The following MAP4 variants were observed in gnomAD, a reference collection of about 807,000 sequenced individuals.
MAP4 encodes microtubule-associated protein 4.
Under a neutral mutation model 170.2 loss-of-function variants are expected in MAP4, and 76 were observed. That is an observed-to-expected ratio of 0.45 (90% CI 0.37 to 0.54). The LOEUF is 0.54. Ranked by LOEUF, MAP4 falls within the 20% of genes least tolerant of loss-of-function variation. The probability of loss-of-function intolerance (pLI) is 0.00; values close to 1 mark genes in which losing one functional copy is unlikely to be tolerated. For missense variants in MAP4, 2,506 were observed against 2,748.0 expected (o/e 0.91, Z 1.97); for synonymous variants, 909 against 994.5 (o/e 0.91, Z 1.62).
chr3:48,079,986 A>C (rs1579881949), intron 1 of MAP4, among the ~76,000 whole-genome samples: 1 of 152,168 alleles, frequency 6.6e-6, no homozygotes, highest in East Asian at 1.9e-4. Context: ...ATTTGTTGTA[A>C]CTTTGTCTTC....
chr3:47,973,975 G>T (rs1183139853), intron 3 of MAP4: 2 of 985,422 alleles, frequency 2.0e-6, no homozygotes, highest in Non-Finnish European at 1.2e-6. Flanking sequence ...ATCCATAGAA[G>T]AAATTTTTGT....
chr3:48,071,108 G>A (rs1032138012), intron 1 of MAP4, among the ~76,000 whole-genome samples: 1 of 152,104 alleles, frequency 6.6e-6, no homozygotes, highest in Non-Finnish European at 1.5e-5. Context: ...TCCATGTCTC[G>A]TAATAAAGGG....
chr3:48,084,627 A>C (rs2100148188), intron 1 of MAP4, among the ~76,000 whole-genome samples: 1 of 150,792 alleles, frequency 6.6e-6, no homozygotes, highest in South Asian at 2.1e-4. Context: ...AGCAAGGCTG[A>C]AGTGCAGTGG....
At chr3:48,013,312 A>G (rs2100106229) in intron 1 of MAP4, among the ~76,000 whole-genome samples, 1 of 152,088 alleles carries the variant, frequency 6.6e-6, no homozygotes, top group African/African-American at 2.4e-5. Flanking sequence ...CTAAAAAAAA[A>G]ACCTCTCACT....
At chr3:47,973,092 T>C (rs2100079747) in intron 3 of MAP4, 1 of 980,548 alleles carries the variant, frequency 1.0e-6, no homozygotes, top group Admixed American at 6.2e-5. Flanking sequence ...GGTGTTAATG[T>C]AAGATGTTTA....
At chr3:48,009,376 C>G (rs891567146) in intron 1 of MAP4, among the ~76,000 whole-genome samples, 1 of 152,214 alleles carries the variant, frequency 6.6e-6, no homozygotes, top group African/African-American at 2.4e-5. Context: ...GCTGGGATTA[C>G]AGGCGTGAGC....
At chr3:48,021,687 GT>G (rs953046124) in intron 1 of MAP4, among the ~76,000 whole-genome samples, 1 of 152,070 alleles carries the variant, frequency 6.6e-6, no homozygotes, top group Non-Finnish European at 1.5e-5. Flanking sequence ...AGTCCAGTAG[GT>G]TTTTTCTTTT....
intron 1 of MAP4, among the ~76,000 whole-genome samples, chr3:48,034,247 G>A (rs1312367610): frequency 6.6e-6 from 1 of 152,160 alleles, no homozygotes; most frequent in Non-Finnish European, 1.5e-5. Flanking sequence ...ACTTAGAAAG[G>A]AATGATCTCA....
At chr3:47,978,662 G>A (rs1210458405) in intron 2 of MAP4, among the ~76,000 whole-genome samples, 1 of 151,728 alleles carries the variant, frequency 6.6e-6, no homozygotes, top group Non-Finnish European at 1.5e-5. Flanking sequence ...GGAAATCCAG[G>A]GTACCATCAT....
intron 17 of MAP4, among the ~76,000 whole-genome samples, chr3:47,858,093 A>T (rs2059611967): frequency 1.4e-5 from 2 of 145,822 alleles, no homozygotes; most frequent in Non-Finnish European, 3.0e-5. Context: ...GGCTCACCCC[A>T]GCCTCCATCT....
intron 10 of MAP4, among the ~76,000 whole-genome samples, chr3:47,887,480 A>G (rs1204108622): frequency 1.3e-5 from 2 of 152,168 alleles, no homozygotes; most frequent in African/African-American, 4.8e-5. Context: ...GCCATGCCTC[A>G]GCCTCCCACC....
At chr3:47,943,283 A>G (rs2100057659) in intron 3 of MAP4, among the ~76,000 whole-genome samples, 1 of 152,112 alleles carries the variant, frequency 6.6e-6, no homozygotes, top group South Asian at 2.1e-4. Context: ...ACTGTATTAA[A>G]CTAGCAAAAA....
chr3:47,998,431 C>A (rs551195760), intron 2 of MAP4, among the ~76,000 whole-genome samples: 18 of 152,198 alleles, frequency 1.2e-4, no homozygotes, highest in African/African-American at 4.1e-4. Context: ...AGAGAAGAAA[C>A]ATTAGGGTTA....
chr3:47,863,367 A>C (rs984297583), intron 17 of MAP4, among the ~76,000 whole-genome samples: 2 of 152,180 alleles, frequency 1.3e-5, no homozygotes, highest in Non-Finnish European at 2.9e-5. Flanking sequence ...TTAGGTGGCT[A>C]TGTGGAGGAG....
chr3:48,005,827 C>G (rs546919125), intron 1 of MAP4, among the ~76,000 whole-genome samples: 10 of 152,348 alleles, frequency 6.6e-5, no homozygotes, highest in African/African-American at 2.2e-4. Context: ...CTCTGCATGT[C>G]AGACCTAATG....
chr3:48,054,989 C>G (rs2100129992), intron 1 of MAP4, among the ~76,000 whole-genome samples: 1 of 152,018 alleles, frequency 6.6e-6, no homozygotes, highest in Non-Finnish European at 1.5e-5. Flanking sequence ...AAGTGGGGAG[C>G]CTAGATTTCC....
chr3:47,892,983 A>C, intron 10 of MAP4: 1 of 554,708 alleles, frequency 1.8e-6, no homozygotes. Flanking sequence ...CCCAGCTATA[A>C]CCCTGAAGAA....
chr3:48,034,761 C>T (rs538532633), intron 1 of MAP4, among the ~76,000 whole-genome samples: 2 of 151,982 alleles, frequency 1.3e-5, no homozygotes, highest in African/African-American at 2.4e-5. Context: ...ACCTGTAATC[C>T]CAGCACTTTG....
At chr3:48,036,243 C>T (rs2100118663) in intron 1 of MAP4, among the ~76,000 whole-genome samples, 1 of 152,122 alleles carries the variant, frequency 6.6e-6, no homozygotes, top group Non-Finnish European at 1.5e-5. Flanking sequence ...TGATAATAGC[C>T]TTTAACAATT....
Sources: allele counts gnomAD v4.1 joint callset (sites outside exome capture counted in the v4.1 genomes callset), GRCh38; gene constraint gnomAD v4.1.1; transcripts MANE v1.5; gene names NCBI Gene and HGNC (gene_info 2026-07-23, HGNC 2026-07-21).